Variants in LDLRAD3 observed in about 807,000 individuals in gnomAD.
LDLRAD3 encodes the protein low-density lipoprotein receptor class A domain-containing protein 3.
LDLRAD3 carries 20 observed loss-of-function variants against 29.4 expected under a neutral mutation model. The observed-to-expected ratio is 0.68, with a 90% confidence interval of 0.48 to 0.99. The LOEUF (loss-of-function observed/expected upper bound fraction) is 0.99. LDLRAD3 is among the 50% of genes least tolerant of loss of function. LDLRAD3 has a pLI of 0.00. For missense variants in LDLRAD3, 420 were observed against 454.3 expected (o/e 0.92, Z 0.69); for synonymous variants, 157 against 192.7 (o/e 0.81, Z 1.53).
At chr11:36,052,062 T>C (rs1474476216) in intron 2 of LDLRAD3, among the ~76,000 whole-genome samples, 4 of 152,232 alleles carry the variant, frequency 2.6e-5, no homozygotes, top group African/African-American at 9.6e-5. Flanking sequence ...GAAACTCATC[T>C]GTCATAGGAC....
Position 36,092,938 on chromosome 11 carries a change from G to A in LDLRAD3, c.320-5389G>A, listed in dbSNP as rs16928392. 7.7e-3 allele frequency among the ~76,000 whole-genome samples: 1,165 copies of A among 152,256 alleles called. 16 individuals are homozygous for A. Among genetic ancestry groups the A allele is most frequent in the African/African-American group, 0.027 (1,115 of 41,526 alleles). On this transcript the variant is annotated intron_variant, in intron 3 of 5. Coordinates refer to ENST00000315571, the MANE Select transcript of LDLRAD3 (RefSeq NM_174902.4). ...TGTTCCTCTACCATCCTCTGCTTCT[G>A]TTTTTTCTGCCCTGCAAAGGATGGG...
intron 1 of LDLRAD3, among the ~76,000 whole-genome samples, chr11:35,956,759 C>T (rs188055078): frequency 6.7e-4 from 102 of 152,164 alleles, no homozygotes; most frequent in East Asian, 2.1e-3. Flanking sequence ...TTTTTTGAGA[C>T]GGAGTCTTGC....
At chr11:36,218,236 G>A (rs1855378822) in intron 4 of LDLRAD3, among the ~76,000 whole-genome samples, 1 of 152,162 alleles carries the variant, frequency 6.6e-6, no homozygotes, top group Non-Finnish European at 1.5e-5. Context: ...CAGGAATGAG[G>A]ACATGTCACA....
chr11:36,104,051 G>A (rs1384242386), intron 4 of LDLRAD3, among the ~76,000 whole-genome samples: 1 of 152,168 alleles, frequency 6.6e-6, no homozygotes, highest in Non-Finnish European at 1.5e-5. Flanking sequence ...CAAAAGTGGC[G>A]GCTGTCAGTC....
At chr11:36,217,376 G>A (rs1855367192) in intron 4 of LDLRAD3, among the ~76,000 whole-genome samples, 1 of 152,080 alleles carries the variant, frequency 6.6e-6, no homozygotes, top group African/African-American at 2.4e-5. Context: ...TGGTAAGATA[G>A]CCACATATGT....
At chr11:36,108,188 T>C (rs36048242) in intron 4 of LDLRAD3, among the ~76,000 whole-genome samples, 93,354 of 151,010 alleles carry the variant, frequency 0.62, 29,501 homozygotes, top group Admixed American at 0.68. Flanking sequence ...GGCGTGGTGG[T>C]GGGTGCCTGT....
chr11:35,971,943 A>G (rs755327056), intron 1 of LDLRAD3, among the ~76,000 whole-genome samples: 6 of 152,096 alleles, frequency 3.9e-5, no homozygotes, highest in Non-Finnish European at 7.4e-5. Flanking sequence ...ATCTGAATGG[A>G]TGGTGGCTCC....
intron 3 of LDLRAD3, among the ~76,000 whole-genome samples, chr11:36,096,355 G>A (rs959597610): frequency 2.4e-4 from 37 of 152,284 alleles, no homozygotes; most frequent in African/African-American, 8.9e-4. Flanking sequence ...ACAGAGAGAC[G>A]CTAGAGCTGG....
chr11:36,002,041 C>T (rs79824934), intron 1 of LDLRAD3, among the ~76,000 whole-genome samples: 2,516 of 152,188 alleles, frequency 0.017, 60 homozygotes, highest in East Asian at 0.12. Context: ...CACAAAGGGC[C>T]CCTTTTGCTG....
At chr11:36,179,485 G>T (rs1007092969) in intron 4 of LDLRAD3, among the ~76,000 whole-genome samples, 1 of 152,112 alleles carries the variant, frequency 6.6e-6, no homozygotes, top group East Asian at 1.9e-4. Flanking sequence ...GAAAAAAAAG[G>T]TTAGAGCCCA....
chr11:36,082,471 G>A (rs1590252465), intron 3 of LDLRAD3, among the ~76,000 whole-genome samples: 1 of 152,210 alleles, frequency 6.6e-6, no homozygotes, highest in East Asian at 1.9e-4. Context: ...TGGCACCACT[G>A]CACTCCAGCC....
intron 2 of LDLRAD3, among the ~76,000 whole-genome samples, chr11:36,076,244 C>CCATT (rs1363603597): frequency 1.3e-5 from 2 of 151,984 alleles, no homozygotes; most frequent in Non-Finnish European, 2.9e-5. Context: ...ATCCATCCAT[C>CCATT]CATCCATCCA....
intron 1 of LDLRAD3, among the ~76,000 whole-genome samples, chr11:36,018,476 A>G (rs769490361): frequency 3.3e-5 from 5 of 152,122 alleles, no homozygotes; most frequent in African/African-American, 4.8e-5. Flanking sequence ...GATCCCTTTC[A>G]TTTACCTATC....
intron 1 of LDLRAD3, among the ~76,000 whole-genome samples, chr11:35,961,900 C>T (rs1851282385): frequency 6.6e-6 from 1 of 151,996 alleles, no homozygotes; most frequent in African/African-American, 2.4e-5. Context: ...ACAAACGATC[C>T]AATTATACTC....
chr11:36,142,895 A>G (rs952833161), intron 4 of LDLRAD3, among the ~76,000 whole-genome samples: 2 of 152,222 alleles, frequency 1.3e-5, no homozygotes, highest in African/African-American at 4.8e-5. Context: ...CAGTCACGCA[A>G]AAATCCAGCT....
chr11:35,981,050 T>A (rs1851534794), intron 1 of LDLRAD3, among the ~76,000 whole-genome samples: 1 of 152,084 alleles, frequency 6.6e-6, no homozygotes, highest in Non-Finnish European at 1.5e-5. Context: ...GGGGGAAATC[T>A]CACATACGGG....
chr11:36,069,026 C>T (rs1027977336), intron 2 of LDLRAD3, among the ~76,000 whole-genome samples: 5 of 152,202 alleles, frequency 3.3e-5, no homozygotes, highest in Non-Finnish European at 5.9e-5. Flanking sequence ...CCAGTGTGTA[C>T]GTCTGAAACA....
chr11:36,199,996 A>C (rs1277219176), intron 4 of LDLRAD3, among the ~76,000 whole-genome samples: 1 of 151,938 alleles, frequency 6.6e-6, no homozygotes, highest in African/African-American at 2.4e-5. Context: ...GTGAAACCCC[A>C]TCTCTACTAA....
intron 4 of LDLRAD3, among the ~76,000 whole-genome samples, chr11:36,140,574 G>A (rs1234397445): frequency 6.6e-6 from 1 of 152,050 alleles, no homozygotes; most frequent in Non-Finnish European, 1.5e-5. Flanking sequence ...GACTACAGGT[G>A]TGCGCCACCA....
Sources: allele counts gnomAD v4.1 joint callset (sites outside exome capture counted in the v4.1 genomes callset), GRCh38; gene constraint gnomAD v4.1.1; transcripts MANE v1.5; gene names NCBI Gene and HGNC (gene_info 2026-07-23, HGNC 2026-07-21).